The following QTMAN variants were observed in gnomAD, a reference collection of about 807,000 sequenced individuals.
The protein encoded by QTMAN is queuosine-tRNA mannosyltransferase.
the QTMAN span, among the ~76,000 whole-genome samples, chr2:144,024,850 T>A: frequency 6.6e-6 from 1 of 152,168 alleles, no homozygotes. Context: ...CTAGAAGAAA[T>A]GAATATCAAT....
the QTMAN span, among the ~76,000 whole-genome samples, chr2:144,160,487 T>G: frequency 1.3e-5 from 2 of 152,166 alleles, no homozygotes; most frequent in Admixed American, 6.5e-5. Flanking sequence ...ACATGAGTAT[T>G]ACATGGCAAA....
At chr2:144,149,798 A>C in the QTMAN span, among the ~76,000 whole-genome samples, 3 of 152,200 alleles carry the variant, frequency 2.0e-5, no homozygotes, top group East Asian at 5.8e-4. Flanking sequence ...ATTCGAGATT[A>C]AAGATTTTAT....
chr2:144,190,513 T>C, the QTMAN span, among the ~76,000 whole-genome samples: 1 of 152,314 alleles, frequency 6.6e-6, no homozygotes, highest in South Asian at 2.1e-4. Flanking sequence ...TAAAATGCTT[T>C]TACTCATGAA....
the QTMAN span, among the ~76,000 whole-genome samples, chr2:144,205,169 T>C: frequency 1.3e-5 from 2 of 151,966 alleles, no homozygotes; most frequent in Non-Finnish European, 2.9e-5. Flanking sequence ...GAAGAACGAA[T>C]AGTATATAGT....
At chr2:144,009,071 CAGAAAAATCTTATA>C in the QTMAN span, among the ~76,000 whole-genome samples, 1 of 151,946 alleles carries the variant, frequency 6.6e-6, no homozygotes, top group African/African-American at 2.4e-5. Flanking sequence ...CCTGAAGAAA[CAGAAAAATCTTATA>C]AGATGGAAGG....
chr2:144,242,832 T>C, the QTMAN span, among the ~76,000 whole-genome samples: 330 of 151,496 alleles, frequency 2.2e-3, 4 homozygotes, highest in African/African-American at 7.6e-3. Context: ...CTTGGTGGCA[T>C]ATGGCTGCAG....
At chr2:143,965,119 C>T in the QTMAN span, among the ~76,000 whole-genome samples, 4 of 151,106 alleles carry the variant, frequency 2.6e-5, no homozygotes, top group Non-Finnish European at 4.4e-5. Context: ...GAGAATTGGC[C>T]AAAACTCAAA....
At chr2:144,187,826 C>A in the QTMAN span, among the ~76,000 whole-genome samples, 1 of 152,088 alleles carries the variant, frequency 6.6e-6, no homozygotes. Flanking sequence ...GTGAATGTGA[C>A]CCCATTCAAA....
the QTMAN span, among the ~76,000 whole-genome samples, chr2:144,144,669 T>C: frequency 2.6e-5 from 4 of 151,958 alleles, no homozygotes; most frequent in Non-Finnish European, 5.9e-5. Context: ...TGAAGCAGCT[T>C]GTAAAAATGA....
chr2:144,153,509 A>G, the QTMAN span, among the ~76,000 whole-genome samples: 30 of 152,174 alleles, frequency 2.0e-4, no homozygotes, highest in African/African-American at 7.0e-4. Flanking sequence ...GGAGATCGAG[A>G]CCATCTTGGC....
the QTMAN span, among the ~76,000 whole-genome samples, chr2:144,149,654 C>T: frequency 6.6e-6 from 1 of 152,030 alleles, no homozygotes; most frequent in African/African-American, 2.4e-5. Context: ...CGGCTCTATG[C>T]TGCAAGCACA....
chr2:144,302,964 T>C, the QTMAN span, among the ~76,000 whole-genome samples: 1 of 152,090 alleles, frequency 6.6e-6, no homozygotes, highest in Non-Finnish European at 1.5e-5. Flanking sequence ...TAGCCAGGCA[T>C]GGTTGTGCAC....
the QTMAN span, chr2:143,943,560 G>A: frequency 2.0e-5 from 3 of 152,198 alleles, no homozygotes; most frequent in Admixed American, 2.0e-4. Flanking sequence ...CTGGGTAGCA[G>A]ATGCTTTCTC....
the QTMAN span, among the ~76,000 whole-genome samples, chr2:144,321,338 T>G: frequency 6.6e-6 from 1 of 152,222 alleles, no homozygotes; most frequent in African/African-American, 2.4e-5. Context: ...CTGCCACTGC[T>G]GGACTGCAAT....
chr2:144,156,698 CA>C, the QTMAN span, among the ~76,000 whole-genome samples: 1 of 151,860 alleles, frequency 6.6e-6, no homozygotes, highest in Non-Finnish European at 1.5e-5. Context: ...TTTCAAAAAA[CA>C]AACAAAAAAA....
the QTMAN span, among the ~76,000 whole-genome samples, chr2:144,036,624 A>G: frequency 6.6e-6 from 1 of 152,234 alleles, no homozygotes; most frequent in African/African-American, 2.4e-5. Context: ...GAAGGTACCT[A>G]CATATTTGGT....
At chr2:144,138,997 A>G in the QTMAN span, among the ~76,000 whole-genome samples, 1 of 152,090 alleles carries the variant, frequency 6.6e-6, no homozygotes, top group Non-Finnish European at 1.5e-5. Flanking sequence ...TGCCAATCAA[A>G]TATGAAACAA....
the QTMAN span, among the ~76,000 whole-genome samples, chr2:144,273,861 C>T: frequency 1.3e-5 from 2 of 152,106 alleles, no homozygotes; most frequent in East Asian, 1.9e-4. Flanking sequence ...TATGGCCGGG[C>T]GCGGTGGCTC....
the QTMAN span, among the ~76,000 whole-genome samples, chr2:143,982,421 G>A: frequency 1.8e-4 from 27 of 151,446 alleles, 1 homozygote; most frequent in East Asian, 3.6e-3. Flanking sequence ...TAGTAGAGAC[G>A]GGGTTTCACC....
Sources: allele counts gnomAD v4.1 joint callset (sites outside exome capture counted in the v4.1 genomes callset), GRCh38; gene constraint gnomAD v4.1.1; transcripts MANE v1.5; gene names NCBI Gene and HGNC (gene_info 2026-07-23, HGNC 2026-07-21).